The following NRXN3 variants were observed in gnomAD, a reference collection of about 807,000 sequenced individuals.
The protein encoded by NRXN3 is neurexin 3.
In NRXN3, 32 loss-of-function variants were observed where a neutral mutation model predicts 137.6. That is an observed-to-expected ratio of 0.23 (90% CI 0.18 to 0.31). The LOEUF (loss-of-function observed/expected upper bound fraction) is 0.31, where lower values mean the gene tolerates loss of function less well. NRXN3 is among the 10% of genes least tolerant of loss of function. The probability of loss-of-function intolerance (pLI) is 1.00; values close to 1 mark genes in which losing one functional copy is unlikely to be tolerated. For missense variants in NRXN3, 1,574 were observed against 2,062.5 expected (o/e 0.76, Z 4.59); for synonymous variants, 798 against 784.5 (o/e 1.02, Z -0.29).
intron 4 of NRXN3, among the ~76,000 whole-genome samples, chr14:78,389,435 A>G (rs747740354): frequency 6.6e-5 from 10 of 152,224 alleles, no homozygotes; most frequent in Non-Finnish European, 1.3e-4. Context: ...GCAGAGCGTG[A>G]AAGCCAATGC....
intron 15 of NRXN3, among the ~76,000 whole-genome samples, chr14:79,287,503 T>A (rs1477247403): frequency 6.6e-6 from 1 of 152,222 alleles, no homozygotes; most frequent in Admixed American, 6.5e-5. Flanking sequence ...CTAAGATTTT[T>A]AATCTGGTTT....
At chr14:78,851,409 G>A (rs1043680722) in intron 10 of NRXN3, among the ~76,000 whole-genome samples, 2 of 152,198 alleles carry the variant, frequency 1.3e-5, no homozygotes, top group Admixed American at 6.5e-5. Flanking sequence ...GGACAGCACT[G>A]CCTGAGTGCA....
intron 20 of NRXN3, among the ~76,000 whole-genome samples, chr14:79,845,426 G>T (rs1177554657): frequency 2.0e-5 from 3 of 151,968 alleles, no homozygotes; most frequent in African/African-American, 7.3e-5. Context: ...TAAAGTGAGA[G>T]GTGGGTGACT....
intron 14 of NRXN3, among the ~76,000 whole-genome samples, chr14:78,981,230 A>T (rs760525017): frequency 1.1e-4 from 17 of 152,212 alleles, no homozygotes; most frequent in Middle Eastern, 3.2e-3. Flanking sequence ...GGTATTTGAA[A>T]GTTTTCCTTG....
At chr14:79,824,851 TA>T (rs1368852789) in intron 20 of NRXN3, among the ~76,000 whole-genome samples, 2 of 152,224 alleles carry the variant, frequency 1.3e-5, no homozygotes, top group Non-Finnish European at 2.9e-5. Context: ...TATATAAATT[TA>T]CATATAACGG....
At chr14:79,141,593 G>A (rs1444307636) in intron 15 of NRXN3, among the ~76,000 whole-genome samples, 2 of 152,108 alleles carry the variant, frequency 1.3e-5, no homozygotes, top group East Asian at 3.9e-4. Context: ...AATATTATAG[G>A]TACTTGAACT....
intron 16 of NRXN3, among the ~76,000 whole-genome samples, chr14:79,631,377 A>G (rs2098343442): frequency 6.6e-6 from 1 of 152,258 alleles, no homozygotes; most frequent in African/African-American, 2.4e-5. Context: ...AGAGCCCTTC[A>G]GTCCGCCGCG....
intron 4 of NRXN3, among the ~76,000 whole-genome samples, chr14:78,319,554 C>T (rs559215523): frequency 5.3e-5 from 8 of 152,276 alleles, no homozygotes; most frequent in Admixed American, 1.3e-4. Flanking sequence ...TCATGTGACC[C>T]GTGAGCCCCA....
intron 2 of NRXN3, among the ~76,000 whole-genome samples, chr14:78,248,302 G>GCC (rs1177541167): frequency 2.3e-3 from 51 of 22,546 alleles, no homozygotes; most frequent in Admixed American, 5.9e-3. Flanking sequence ...ACCGCCCCCC[G>GCC]CCCCCCCCCC....
intron 16 of NRXN3, among the ~76,000 whole-genome samples, chr14:79,490,098 G>A (rs941028873): frequency 1.3e-4 from 20 of 150,210 alleles, no homozygotes; most frequent in African/African-American, 4.7e-4. Flanking sequence ...CTCCAAGTGA[G>A]GTACAAACTC....
intron 15 of NRXN3, among the ~76,000 whole-genome samples, chr14:79,128,619 G>C (rs1254392096): frequency 6.6e-6 from 1 of 152,144 alleles, no homozygotes; most frequent in Non-Finnish European, 1.5e-5. Context: ...GTTCATCAAG[G>C]ATATTGGTCT....
At chr14:79,538,112 A>G (rs939161414) in intron 16 of NRXN3, among the ~76,000 whole-genome samples, 6 of 152,052 alleles carry the variant, frequency 3.9e-5, no homozygotes, top group Admixed American at 2.6e-4. Context: ...GTCTGTTCAT[A>G]TCCTTTGCCC....
chr14:79,279,781 AT>A, intron 15 of NRXN3: 1 of 990,650 alleles, frequency 1.0e-6, no homozygotes, highest in South Asian at 4.6e-5. Flanking sequence ...GCAGTTCTGC[AT>A]TGCATCTCAT....
chr14:78,908,960 A>G (rs560120849), intron 10 of NRXN3, among the ~76,000 whole-genome samples: 1 of 152,288 alleles, frequency 6.6e-6, no homozygotes, highest in East Asian at 1.9e-4. Flanking sequence ...GAAAACATTC[A>G]TCTTGTTCAT....
chr14:79,537,719 C>A (rs2097226188), intron 16 of NRXN3, among the ~76,000 whole-genome samples: 2 of 152,160 alleles, frequency 1.3e-5, no homozygotes, highest in Admixed American at 1.3e-4. Flanking sequence ...GGTTCCAAGT[C>A]TTTGCTATTG....
At chr14:79,592,853 T>TTGAAGAATGC (rs1416675769) in intron 16 of NRXN3, among the ~76,000 whole-genome samples, 1 of 152,202 alleles carries the variant, frequency 6.6e-6, no homozygotes, top group African/African-American at 2.4e-5. Flanking sequence ...AGGCAAGAAG[T>TTGAAGAATGC]TGAAGAATGC....
intron 19 of NRXN3, among the ~76,000 whole-genome samples, chr14:79,737,106 T>C (rs1434620096): frequency 6.6e-6 from 1 of 152,250 alleles, no homozygotes; most frequent in Non-Finnish European, 1.5e-5. Context: ...GCATATATTA[T>C]TCCTTTCCTC....
In NRXN3 at chr14:79,651,492, A is replaced by T. The variant is rs2098475627; in HGVS notation, c.3445-12286A>T. Among the ~76,000 whole-genome samples, 3 of 152,318 alleles carry T rather than the reference A, an allele frequency of 2.0e-5. No individual in the cohort carries two copies. In the South Asian group the frequency reaches 6.2e-4, roughly 32 times the overall value. On this transcript the variant is annotated intron_variant, in intron 16 of 20. Coordinates refer to ENST00000335750, the MANE Select transcript of NRXN3 (RefSeq NM_001330195.2). ...CTTTTGATATGGAGGAAGACATAGAACATAAAGATGCATTTTCTTCCCTCA... is the reference window on the plus strand; with the variant it reads ...CTTTTGATATGGAGGAAGACATAGATCATAAAGATGCATTTTCTTCCCTCA...
chr14:78,322,418 A>C (rs1176120303), intron 4 of NRXN3, among the ~76,000 whole-genome samples: 1 of 151,934 alleles, frequency 6.6e-6, no homozygotes, highest in Non-Finnish European at 1.5e-5. Context: ...TCTGGAGTCC[A>C]AGACCTCCAA....
Sources: gnomAD v4.1 joint callset for allele counts (sites outside exome capture counted in the v4.1 genomes callset) on GRCh38, gnomAD v4.1.1 for gene constraint, MANE v1.5 for transcripts, NCBI Gene and HGNC (gene_info 2026-07-23, HGNC 2026-07-21) for gene names.